The following PCDH7 variants were observed in gnomAD, a reference collection of about 807,000 sequenced individuals.
The protein encoded by PCDH7 is protocadherin 7, also known as protocadherin-7.
PCDH7 carries 17 observed loss-of-function variants against 58.9 expected under a neutral mutation model. That is an observed-to-expected ratio of 0.29 (90% CI 0.20 to 0.43). The LOEUF (loss-of-function observed/expected upper bound fraction) is 0.43, where lower values mean the gene tolerates loss of function less well. Ranked by LOEUF, PCDH7 falls within the 20% of genes least tolerant of loss-of-function variation. PCDH7 has a pLI of 1.00. For synonymous variants in PCDH7, 664 were observed against 616.4 expected (o/e 1.08, Z -1.14); for missense variants, 1,274 against 1,441.0 (o/e 0.88, Z 1.88).
intron 3 of PCDH7, among the ~76,000 whole-genome samples, chr4:31,006,764 T>C (rs1381011910): frequency 6.6e-6 from 1 of 151,918 alleles, no homozygotes; most frequent in Admixed American, 6.6e-5. Flanking sequence ...TAGTGGTGCA[T>C]GCCTGTAATC....
At chr4:30,974,645 G>T (rs1749905046) in intron 3 of PCDH7, among the ~76,000 whole-genome samples, 1 of 152,140 alleles carries the variant, frequency 6.6e-6, no homozygotes, top group Admixed American at 6.6e-5. Flanking sequence ...GGAGTGCCAA[G>T]ATGAATTAAG....
At chr4:30,817,131 A>G (rs1347993322) in intron 1 of PCDH7, among the ~76,000 whole-genome samples, 1 of 152,190 alleles carries the variant, frequency 6.6e-6, no homozygotes, top group Non-Finnish European at 1.5e-5. Flanking sequence ...CAGTTGTGAT[A>G]TAGGAGAAGA....
chr4:30,989,986 T>G (rs10013621), intron 3 of PCDH7, among the ~76,000 whole-genome samples: 12,140 of 152,148 alleles, frequency 0.08, 1,619 homozygotes, highest in African/African-American at 0.28. Context: ...TACCTGGAAA[T>G]AGAATGCAGA....
chr4:30,721,254 C>T lies in PCDH7; in HGVS notation c.-169C>T, dbSNP rs1328285106. The T allele has an allele frequency of 5.0e-6, 3 of 599,078 alleles. No individual in the cohort carries two copies. The highest frequency in any genetic ancestry group is 2.3e-5 in the South Asian group (1 of 43,240). The allele number at this position is 599,078 out of a possible 1,614,324, so 37.1% of individuals were successfully genotyped here. On this transcript the variant is annotated 5_prime_UTR_variant, in exon 1 of 2. Coordinates refer to ENST00000361762, the Ensembl canonical transcript of PCDH7. This position sits in a 1 kb window ranked among gnomAD's most constrained non-coding sequence, Gnocchi z 6.7. Reference sequence around the variant, plus strand: ...CTATCGCTGCCCTCCCACCCCCATTCCCGGCCAACTCTCCACGCCGCTTTT... The same window carrying T: ...CTATCGCTGCCCTCCCACCCCCATTTCCGGCCAACTCTCCACGCCGCTTTT...
intron 3 of PCDH7, among the ~76,000 whole-genome samples, chr4:31,083,985 A>G (rs902326463): frequency 1.3e-5 from 2 of 152,242 alleles, no homozygotes; most frequent in African/African-American, 4.8e-5. Flanking sequence ...ATCATTTATT[A>G]AATATCATGT....
Position 30,791,431 on chromosome 4 carries a change from C to T in PCDH7, c.70+66835C>T, listed in dbSNP as rs573755303. 1.3e-5 allele frequency among the ~76,000 whole-genome samples: 2 copies of T among 151,880 alleles called. 1 individual carries two copies. Among genetic ancestry groups the T allele is most frequent in the Admixed American group, 1.3e-4 (2 of 15,226 alleles). ...TAGATTAACCCAGCCTATGTGTGGCCGGTATAAGAAGAATTCAATAAATGC... is the reference window on the plus strand; with the variant it reads ...TAGATTAACCCAGCCTATGTGTGGCTGGTATAAGAAGAATTCAATAAATGC... On this transcript the variant is annotated intron_variant, in intron 1 of 3. Transcript: ENST00000509759.
intron 1 of PCDH7, among the ~76,000 whole-genome samples, chr4:30,915,582 G>A (rs139135821): frequency 6.6e-6 from 1 of 152,090 alleles, no homozygotes; most frequent in South Asian, 2.1e-4. Context: ...AGAGTGCGGT[G>A]GCGCGATCTC....
intron 1 of PCDH7, among the ~76,000 whole-genome samples, chr4:30,781,329 A>C (rs1325298246): frequency 2.0e-5 from 3 of 151,394 alleles, no homozygotes; most frequent in Non-Finnish European, 4.4e-5. Flanking sequence ...TTTAGCACAG[A>C]CAGAATTTCA....
chr4:30,968,376 CTATATATATATA>C (rs60085619), intron 3 of PCDH7, among the ~76,000 whole-genome samples: 26 of 67,054 alleles, frequency 3.9e-4, no homozygotes, highest in African/African-American at 1.3e-3. Context: ...TATACACACA[CTATATATATATA>C]TATATATATA....
intron 1 of PCDH7, among the ~76,000 whole-genome samples, chr4:30,810,321 G>A (rs1237819334): frequency 6.6e-6 from 1 of 151,968 alleles, no homozygotes; most frequent in Admixed American, 6.6e-5. Context: ...ATGGATGGGC[G>A]AATATGTTAC....
chr4:30,934,325 T>G lies in PCDH7; in HGVS notation c.287+13956T>G, dbSNP rs577226510. On this transcript the variant is annotated intron_variant, in intron 2 of 3. Coordinates refer to the PCDH7 transcript ENST00000509759. ...GGTTTAGAGATCCCTGTGTGTGTGT[T>G]TTTTAAGTAACCACATTTTATTTTA... Among the ~76,000 whole-genome samples the G allele has an allele frequency of 3.3e-5, 5 of 152,332 alleles. No homozygotes were observed. In the South Asian group the frequency reaches 8.3e-4, roughly 25 times the overall value.
At chr4:30,985,425 G>A (rs1750888023) in intron 3 of PCDH7, among the ~76,000 whole-genome samples, 1 of 152,054 alleles carries the variant, frequency 6.6e-6, no homozygotes, top group Admixed American at 6.5e-5. Flanking sequence ...TTATAGAACA[G>A]GCCTTGAGTT....
intron 1 of PCDH7, among the ~76,000 whole-genome samples, chr4:30,807,811 A>G (rs2109311070): frequency 6.6e-6 from 1 of 152,142 alleles, no homozygotes; most frequent in East Asian, 1.9e-4. Flanking sequence ...TCATTGATAG[A>G]GAGGGCCCAG....
At chr4:30,733,694 A>G (rs1390929644), downstream of PCDH7, among the ~76,000 whole-genome samples, 2 of 152,190 alleles carry the variant, frequency 1.3e-5, no homozygotes, top group African/African-American at 2.4e-5. Flanking sequence ...GAAAAGCACC[A>G]GTTTACCAAG....
intron 3 of PCDH7, among the ~76,000 whole-genome samples, chr4:31,115,751 T>A (rs1716914366): frequency 6.6e-6 from 1 of 152,216 alleles, no homozygotes; most frequent in South Asian, 2.1e-4. Context: ...TATTGAATTT[T>A]AAAACATTTT....
rs534889608 is a variant in PCDH7, at chr4:30,923,341, G to A, written c.287+2972G>A. 7.2e-5 allele frequency among the ~76,000 whole-genome samples: 11 copies of A among 152,206 alleles called. No homozygotes were observed. In the South Asian group the frequency reaches 2.1e-3, roughly 29 times the overall value. ...ATGATAAAAATACATTTTCACAAAT[G>A]CAGAGAAGGAACAGAAACAAGAAAA... On this transcript the variant is annotated intron_variant, in intron 2 of 3. Transcript: ENST00000509759.
At chr4:30,996,388 G>A (rs766544734) in intron 3 of PCDH7, among the ~76,000 whole-genome samples, 1 of 152,184 alleles carries the variant, frequency 6.6e-6, no homozygotes, top group East Asian at 1.9e-4. Flanking sequence ...CATAAAGAAA[G>A]GATAGTGATT....
At chr4:30,873,253 G>T (rs1321356942) in intron 1 of PCDH7, among the ~76,000 whole-genome samples, 3 of 151,916 alleles carry the variant, frequency 2.0e-5, no homozygotes, top group Admixed American at 1.3e-4. Flanking sequence ...GTTACAATAA[G>T]AATTTTAAGG....
intron 3 of PCDH7, among the ~76,000 whole-genome samples, chr4:31,050,019 G>A (rs1292797103): frequency 6.6e-6 from 1 of 152,040 alleles, no homozygotes; most frequent in Admixed American, 6.6e-5. Context: ...AAATACAAAT[G>A]TCTACTTTAT....
Sources: gnomAD v4.1 joint callset for allele counts (sites outside exome capture counted in the v4.1 genomes callset) on GRCh38, gnomAD v4.1.1 for gene constraint, Gnocchi (gnomAD v3.1) non-coding constraint, MANE v1.5 for transcripts, NCBI Gene and HGNC (gene_info 2026-07-23, HGNC 2026-07-21) for gene names.